ZNF804B: variants seen among roughly 807,000 people sequenced by gnomAD.
The protein encoded by ZNF804B is zinc finger 804B.
ZNF804B carries 80 observed loss-of-function variants against 101.4 expected under a neutral mutation model. That is an observed-to-expected ratio of 0.79 (90% CI 0.66 to 0.95). ZNF804B has a LOEUF of 0.95. ZNF804B is among the 40% of genes least tolerant of loss of function. ZNF804B has a pLI of 0.00. For missense variants in ZNF804B, 1,673 were observed against 1,561.9 expected, an observed-to-expected ratio of 1.07 and a Z score of -1.20; for synonymous variants, 622 against 558.8, an observed-to-expected ratio of 1.11 and a Z score of -1.59.
At chr7:89,187,461 A>C (rs989112464) in intron 1 of ZNF804B, among the ~76,000 whole-genome samples, 2 of 152,194 alleles carry the variant, frequency 1.3e-5, no homozygotes, top group African/African-American at 4.8e-5. Flanking sequence ...AAGTAAAAAC[A>C]GTCTGAACAA....
At chr7:88,881,143 G>C (rs1045618759) in intron 1 of ZNF804B, among the ~76,000 whole-genome samples, 2 of 151,888 alleles carry the variant, frequency 1.3e-5, no homozygotes, top group Non-Finnish European at 2.9e-5. Context: ...AGAAGGTTTA[G>C]GATTCTTAAT....
At chr7:89,160,855 A>G (rs1381788119) in intron 1 of ZNF804B, among the ~76,000 whole-genome samples, 5 of 152,194 alleles carry the variant, frequency 3.3e-5, no homozygotes, top group African/African-American at 7.2e-5. Flanking sequence ...CCCATTTACT[A>G]GTTGACTAAA....
chr7:88,848,925 A>T (rs1286755859), intron 1 of ZNF804B, among the ~76,000 whole-genome samples: 1 of 152,044 alleles, frequency 6.6e-6, no homozygotes, highest in Non-Finnish European at 1.5e-5. Context: ...AACAGGAGAG[A>T]GATGGATGAA....
At chr7:89,007,688 ATTAT>A (rs1403220286) in intron 1 of ZNF804B, among the ~76,000 whole-genome samples, 1 of 148,756 alleles carries the variant, frequency 6.7e-6, no homozygotes, top group East Asian at 2.0e-4. Context: ...GAAGCAAATA[ATTAT>A]TCACTGTCTT....
intron 1 of ZNF804B, among the ~76,000 whole-genome samples, chr7:89,091,666 T>C (rs1441848024): frequency 6.6e-6 from 1 of 152,204 alleles, no homozygotes; most frequent in Non-Finnish European, 1.5e-5. Flanking sequence ...AAATAAAACA[T>C]ACTTTTATCT....
intron 1 of ZNF804B, among the ~76,000 whole-genome samples, chr7:89,114,259 T>C (rs910240065): frequency 6.6e-6 from 1 of 152,214 alleles, no homozygotes; most frequent in Non-Finnish European, 1.5e-5. Flanking sequence ...AGAAAATATT[T>C]AACTTACTTC....
intron 1 of ZNF804B, among the ~76,000 whole-genome samples, chr7:89,018,525 G>A (rs773326423): frequency 6.6e-6 from 1 of 151,900 alleles, no homozygotes; most frequent in Non-Finnish European, 1.5e-5. Context: ...TCAGAGTTTT[G>A]CTGGCCTTGC....
At chr7:89,229,842 T>TA (rs1413929699) in intron 2 of ZNF804B, among the ~76,000 whole-genome samples, 4 of 152,160 alleles carry the variant, frequency 2.6e-5, no homozygotes, top group Non-Finnish European at 4.4e-5. Context: ...AGTTTTTAAA[T>TA]AAAAAATCAT....
intron 1 of ZNF804B, among the ~76,000 whole-genome samples, chr7:88,996,354 G>A (rs1312627771): frequency 6.6e-6 from 1 of 152,000 alleles, no homozygotes; most frequent in Non-Finnish European, 1.5e-5. Flanking sequence ...TCAGAAGAAC[G>A]TTGCATTAAT....
At chr7:88,805,067 A>G (rs531710277) in intron 1 of ZNF804B, among the ~76,000 whole-genome samples, 1 of 152,292 alleles carries the variant, frequency 6.6e-6, no homozygotes, top group South Asian at 2.1e-4. Flanking sequence ...AAGAAGTTGT[A>G]GGAATCTGAA....
intron 1 of ZNF804B, among the ~76,000 whole-genome samples, chr7:89,046,789 T>A (rs1203657403): frequency 2.0e-5 from 3 of 152,024 alleles, no homozygotes; most frequent in African/African-American, 2.4e-5. Context: ...CCCTATTACT[T>A]ATCATTTTTT....
At chr7:88,813,669 A>G (rs1214220479) in intron 1 of ZNF804B, among the ~76,000 whole-genome samples, 1 of 152,196 alleles carries the variant, frequency 6.6e-6, no homozygotes, top group Non-Finnish European at 1.5e-5. Flanking sequence ...AGACATAGGA[A>G]AGAAGTTTAT....
At chr7:88,824,145 A>G (rs957061589) in intron 1 of ZNF804B, among the ~76,000 whole-genome samples, 5 of 152,172 alleles carry the variant, frequency 3.3e-5, no homozygotes, top group African/African-American at 1.2e-4. Context: ...AGAAAAGACA[A>G]AAGAAATGGG....
chr7:89,335,103 A>T lies in ZNF804B; in HGVS notation c.2121A>T (p.Arg707Ser). ...ACTCTCCACAGTCATGTTTGAGTAGATATTCTTCCTCTTTGGACACATCCC... is the reference window on the plus strand; with the variant it reads ...ACTCTCCACAGTCATGTTTGAGTAGTTATTCTTCCTCTTTGGACACATCCC... ...KRYSPQSCLSRYSSSLDTSPS... is the reference protein window; with the variant it reads ...KRYSPQSCLSSYSSSLDTSPS... The change falls in exon 4 of 4, where the codon AGA (arginine) becomes AGT (serine). Residue 707 changes from arginine (R) to serine (S), a missense_variant. Coordinates refer to ENST00000333190, the MANE Select transcript of ZNF804B (RefSeq NM_181646.5). The T allele has an allele frequency of 6.2e-7, 1 of 1,613,854 alleles. No individual in the cohort carries two copies.
chr7:89,142,550 G>A (rs955569947), intron 1 of ZNF804B, among the ~76,000 whole-genome samples: 1 of 151,890 alleles, frequency 6.6e-6, no homozygotes, highest in African/African-American at 2.4e-5. Flanking sequence ...TACCAGTAAA[G>A]CTATGTTTCA....
Position 88,913,053 on chromosome 7 carries a change from T to C in ZNF804B, c.108+152969T>C, listed in dbSNP as rs373997550. Among the ~76,000 whole-genome samples, 87 of 152,278 alleles carry C rather than the reference T, an allele frequency of 5.7e-4. 2 individuals are homozygous for C. The South Asian group carries it at 0.018, about 31-fold the overall frequency. On this transcript the variant is annotated intron_variant, in intron 1 of 3. Coordinates refer to ENST00000333190, the MANE Select transcript of ZNF804B (RefSeq NM_181646.5). ...CGAAATGTCAACATAGGTAGCTTCCTGGTCAACAAAGCCAGCATTACTCCT... is the reference window on the plus strand; with the variant it reads ...CGAAATGTCAACATAGGTAGCTTCCCGGTCAACAAAGCCAGCATTACTCCT...
At chr7:89,073,053 T>A (rs1583970617) in intron 1 of ZNF804B, among the ~76,000 whole-genome samples, 1 of 152,240 alleles carries the variant, frequency 6.6e-6, no homozygotes, top group East Asian at 1.9e-4. Flanking sequence ...TATTAACAAC[T>A]GATAAAATAA....
intron 1 of ZNF804B, among the ~76,000 whole-genome samples, chr7:88,845,297 G>GCACACACACA (rs200482259): frequency 0.013 from 1,527 of 119,872 alleles, 14 homozygotes; most frequent in Middle Eastern, 0.021. Flanking sequence ...GCGCGCACGC[G>GCACACACACA]CGCGCACACA....
chr7:89,186,338 G>A (rs1788375184), intron 1 of ZNF804B, among the ~76,000 whole-genome samples: 1 of 151,978 alleles, frequency 6.6e-6, no homozygotes, highest in Non-Finnish European at 1.5e-5. Flanking sequence ...AGTTTGCTCT[G>A]ACCTACCTAA....
Sources: allele counts gnomAD v4.1 joint callset (sites outside exome capture counted in the v4.1 genomes callset), GRCh38; gene constraint gnomAD v4.1.1; transcripts MANE v1.5; gene names NCBI Gene and HGNC (gene_info 2026-07-23, HGNC 2026-07-21).